Variants in MYO1D observed in about 807,000 individuals in gnomAD.
MYO1D encodes unconventional myosin-Id.
In MYO1D, 83 loss-of-function variants were observed where a neutral mutation model predicts 122.0. The ratio of observed to expected loss-of-function variants is 0.68; its 90% confidence interval spans 0.57 to 0.82. The LOEUF (loss-of-function observed/expected upper bound fraction) is 0.82, where lower values mean the gene tolerates loss of function less well. Ranked by LOEUF, MYO1D falls within the 40% of genes least tolerant of loss-of-function variation. The pLI is 0.00. For missense variants in MYO1D, 1,157 were observed against 1,269.5 expected (o/e 0.91, Z 1.35); for synonymous variants, 464 against 446.9 (o/e 1.04, Z -0.48).
chr17:32,512,254 G>C (rs2706758), intron 21 of MYO1D, among the ~76,000 whole-genome samples: 149,137 of 152,002 alleles, frequency 0.98, 73,213 homozygotes, highest in East Asian at 1. Context: ...GAGCAGAGAT[G>C]GCGCCACTGC....
At chr17:32,659,864 G>C (rs758453468) in intron 16 of MYO1D, among the ~76,000 whole-genome samples, 2 of 152,024 alleles carry the variant, frequency 1.3e-5, no homozygotes, top group African/African-American at 4.8e-5. Context: ...ATGGGTAAAG[G>C]GTAAATCAGA....
chr17:32,830,763 G>A (rs964525833), intron 1 of MYO1D, among the ~76,000 whole-genome samples: 5 of 152,020 alleles, frequency 3.3e-5, no homozygotes, highest in South Asian at 4.2e-4. Flanking sequence ...CACAAAAAGC[G>A]TTTTTAAAAA....
intron 16 of MYO1D, among the ~76,000 whole-genome samples, chr17:32,687,498 C>T (rs774964815): frequency 2.6e-5 from 4 of 151,838 alleles, no homozygotes; most frequent in East Asian, 1.9e-4. Flanking sequence ...TGCCTGGCCT[C>T]GCCTGGCTAA....
intron 7 of MYO1D, 43 bp from the exon 8 acceptor site, chr17:32,765,124 G>A (rs1030803503): frequency 2.0e-6 from 3 of 1,499,844 alleles, no homozygotes; most frequent in Non-Finnish European, 2.8e-6. Flanking sequence ...GAAACATTAT[G>A]TCAAGGATAT....
chr17:32,710,192 G>A (rs918642410), intron 16 of MYO1D, among the ~76,000 whole-genome samples: 1 of 152,118 alleles, frequency 6.6e-6, no homozygotes, highest in Non-Finnish European at 1.5e-5. Context: ...TAAAAGCTGT[G>A]TTGCATTAGT....
intron 21 of MYO1D, among the ~76,000 whole-genome samples, chr17:32,595,766 G>A (rs7225208): frequency 0.45 from 68,916 of 152,018 alleles, 16,117 homozygotes; most frequent in Middle Eastern, 0.57. Flanking sequence ...CTTACATAAA[G>A]CTTGTATTCC....
At chr17:32,524,197 G>C (rs139468301) in intron 21 of MYO1D, among the ~76,000 whole-genome samples, 1 of 152,156 alleles carries the variant, frequency 6.6e-6, no homozygotes, top group Admixed American at 6.5e-5. Flanking sequence ...TATATGCATC[G>C]TTTTGAATTT....
At chr17:32,671,569 A>AT (rs1476462669) in intron 16 of MYO1D, among the ~76,000 whole-genome samples, 1 of 152,202 alleles carries the variant, frequency 6.6e-6, no homozygotes, top group East Asian at 1.9e-4. Context: ...TGCACAATGT[A>AT]TTTTTAACAA....
chr17:32,534,908 A>G (rs1218525716), intron 21 of MYO1D, among the ~76,000 whole-genome samples: 5 of 152,242 alleles, frequency 3.3e-5, no homozygotes, highest in African/African-American at 9.6e-5. Context: ...ACAGGGAACA[A>G]GAGGTGCCAT....
At chr17:32,873,942 A>T (rs924133385) in intron 1 of MYO1D, among the ~76,000 whole-genome samples, 1 of 152,208 alleles carries the variant, frequency 6.6e-6, no homozygotes, top group African/African-American at 2.4e-5. Flanking sequence ...CCACCTCTCC[A>T]CAACACCAAC....
rs1909016954 is a variant in MYO1D at position 32,494,590 on chromosome 17, AGAT to A, written c.*166_*168del. On this transcript the variant is annotated 3_prime_UTR_variant, in exon 22 of 22. Transcript: ENST00000318217. ...GACCGTGGACAGTAAGGACAGAGGAAGATGATACCAAAGGCAGAAAACCAGGAA... is the reference window on the plus strand; with the variant it reads ...GACCGTGGACAGTAAGGACAGAGGAAGATACCAAAGGCAGAAAACCAGGAA... 7 of 796,320 alleles carry A rather than the reference AGAT, an allele frequency of 8.8e-6. No individual in the cohort carries two copies. Among genetic ancestry groups the A allele is most frequent in the South Asian group, 3.7e-5 (2 of 54,660 alleles). 49.3% of individuals were successfully genotyped at this position (796,320 alleles called of 1,614,324 possible).
intron 21 of MYO1D, among the ~76,000 whole-genome samples, chr17:32,541,971 C>G (rs1347632051): frequency 6.6e-6 from 1 of 152,164 alleles, no homozygotes; most frequent in Non-Finnish European, 1.5e-5. Flanking sequence ...TCTCTTCTTC[C>G]TCCTCCGTGT....
At chr17:32,632,903 C>T (rs960926462) in intron 20 of MYO1D, among the ~76,000 whole-genome samples, 1 of 151,998 alleles carries the variant, frequency 6.6e-6, no homozygotes, top group African/African-American at 2.4e-5. Flanking sequence ...TATGGACACT[C>T]GGTTTATGAC....
intron 12 of MYO1D, among the ~76,000 whole-genome samples, chr17:32,748,368 T>C (rs2089861545): frequency 6.6e-6 from 1 of 152,048 alleles, no homozygotes; most frequent in South Asian, 2.1e-4. Flanking sequence ...AGCTTTCTCT[T>C]TTCTCTCCCC....
rs932146664 is a variant in MYO1D, at chr17:32,678,899, T to C, written c.2122-19561A>G. 2.7e-5 allele frequency among the ~76,000 whole-genome samples: 4 copies of C among 150,780 alleles called. 1 individual carries two copies. The highest frequency in any genetic ancestry group is 5.0e-5 in the African/African-American group (2 of 40,278). ...AACAGTGTAAAAGTGTTCCTATTTC[T>C]CCACATCCTCTCCAGCACCTGTTGT... is the stretch of plus-strand genomic sequence containing the variant. On this transcript the variant is annotated intron_variant, in intron 16 of 21. Transcript: ENST00000318217.
chr17:32,521,677 C>T (rs1311367436), intron 21 of MYO1D, among the ~76,000 whole-genome samples: 2 of 152,318 alleles, frequency 1.3e-5, no homozygotes, highest in East Asian at 1.9e-4. Flanking sequence ...GGGCCAGGTG[C>T]GGTGGCGCAC....
intron 21 of MYO1D, among the ~76,000 whole-genome samples, chr17:32,564,045 T>C (rs2087150375): frequency 2.0e-5 from 3 of 152,256 alleles, no homozygotes; most frequent in African/African-American, 7.2e-5. Context: ...AGAAGCCACT[T>C]TGCTGCCTCC....
intron 1 of MYO1D, among the ~76,000 whole-genome samples, chr17:32,814,596 T>C (rs766318442): frequency 6.6e-6 from 1 of 152,204 alleles, no homozygotes; most frequent in Non-Finnish European, 1.5e-5. Flanking sequence ...AGAGAAAGAA[T>C]TAGCAGACTG....
rs1010598062 is a variant in MYO1D at position 32,565,283 on chromosome 17, C to T, written c.2864+39804G>A. Reference sequence around the variant, plus strand: ...CCTCCCAAAGTGCTGGGATTATAGGCGTGAGCCACCACACCCAGCCTGAAG... The same window carrying T: ...CCTCCCAAAGTGCTGGGATTATAGGTGTGAGCCACCACACCCAGCCTGAAG... On this transcript the variant is annotated intron_variant, in intron 21 of 21. Transcript: ENST00000318217. 7.2e-5 allele frequency among the ~76,000 whole-genome samples: 11 copies of T among 152,114 alleles called. No individual in the cohort carries two copies. The East Asian group carries it at 7.8e-4, about 11-fold the overall frequency.
Sources: allele counts gnomAD v4.1 joint callset (sites outside exome capture counted in the v4.1 genomes callset), GRCh38; gene constraint gnomAD v4.1.1; transcripts MANE v1.5; gene names NCBI Gene and HGNC (gene_info 2026-07-23, HGNC 2026-07-21).